SYNE1: variants seen among roughly 807,000 people sequenced by gnomAD.
The protein encoded by SYNE1 is nesprin-1.
SYNE1 carries 616 observed loss-of-function variants against 1,111.0 expected under a neutral mutation model. The ratio of observed to expected loss-of-function variants is 0.55; its 90% CI spans 0.52 to 0.59. SYNE1 has a LOEUF of 0.59. SYNE1 is among the 20% of genes least tolerant of loss of function. The pLI is 0.00. For missense variants in SYNE1, 10,006 were observed against 10,417.0 expected (o/e 0.96, Z 1.72); for synonymous variants, 3,855 against 3,825.8 (o/e 1.01, Z -0.28).
Position 152,461,755 on chromosome 6 carries a change from G to C in SYNE1, c.2251-15C>G, listed in dbSNP as rs758553708. 2 of 1,613,718 alleles carry C rather than the reference G, an allele frequency of 1.2e-6. No individual in the cohort carries two copies. The highest frequency in any genetic ancestry group is 1.7e-6 in the Non-Finnish European group (2 of 1,179,890). On this transcript the variant is annotated splice_polypyrimidine_tract_variant and intron_variant, in intron 20 of 145. Transcript: ENST00000367255. ...TGCTCAATATCCTGCATGAATCATT[G>C]AAACAGCCAGATTCATACATGACAC... is the stretch of plus-strand genomic sequence containing the variant.
chr6:152,290,417 C>T (rs868472308), intron 95 of SYNE1, among the ~76,000 whole-genome samples: 3 of 152,068 alleles, frequency 2.0e-5, no homozygotes, highest in Admixed American at 1.3e-4. Context: ...ATTAGTCCAG[C>T]GTGGTGGCAA....
rs1473972360 is a variant in SYNE1 at position 152,367,730 on chromosome 6, A to G, written c.9808-348T>C. On this transcript the variant is annotated intron_variant, in intron 61 of 145. Transcript: ENST00000367255. Reference sequence around the variant, plus strand: ...ATATCACATTAGGCTCACCTGACACAACAACCCACATGACCTACATTGTAG... The same window carrying G: ...ATATCACATTAGGCTCACCTGACACGACAACCCACATGACCTACATTGTAG... 1.6e-5 allele frequency: 5 copies of G among 309,562 alleles called. No homozygotes were observed. In the East Asian group the frequency reaches 3.9e-4, roughly 24 times the overall value. The allele number at this position is 309,562 out of a possible 1,614,324, so 19.2% of individuals were successfully genotyped here.
intron 3 of SYNE1, among the ~76,000 whole-genome samples, chr6:152,624,260 G>A (rs2099681648): frequency 6.6e-6 from 1 of 152,064 alleles, no homozygotes; most frequent in South Asian, 2.1e-4. Flanking sequence ...TTTTCTGTAA[G>A]ATTGCGTTGA....
intron 41 of SYNE1, among the ~76,000 whole-genome samples, chr6:152,414,897 G>C (rs1415624810): frequency 6.6e-6 from 1 of 152,032 alleles, no homozygotes; most frequent in Non-Finnish European, 1.5e-5. Context: ...ATTCCCTTTT[G>C]TAAATTTATT....
At chr6:152,535,060 A>G (rs2099227839) in intron 4 of SYNE1, among the ~76,000 whole-genome samples, 1 of 152,234 alleles carries the variant, frequency 6.6e-6, no homozygotes, top group African/African-American at 2.4e-5. Context: ...ATTTGGAAAT[A>G]GAGTCTTTAG....
chr6:152,350,687 C>T lies in SYNE1; in HGVS notation c.11664G>A (p.Gln3888=), dbSNP rs1563267356. Reference sequence around the variant, plus strand: ...CTATTTTGTCCTTTAAAGTGACGTCCTGCACCAGTTCCAAAAGAGCTTCAC... The same window carrying T: ...CTATTTTGTCCTTTAAAGTGACGTCTTGCACCAGTTCCAAAAGAGCTTCAC... ...EKGEALLELV[Q]DVTLKDKIDQ... Residue 3888 remains glutamine, a synonymous_variant, in exon 71 of 146, where the codon CAG becomes CAA. Coordinates refer to ENST00000367255, the MANE Select transcript of SYNE1 (RefSeq NM_182961.4). The T allele has an allele frequency of 1.2e-6, 2 of 1,614,072 alleles. No homozygotes were observed. Among genetic ancestry groups the T allele is most frequent in the Non-Finnish European group, 8.5e-7 (1 of 1,180,014 alleles).
chr6:152,143,699 T>C lies in SYNE1; in HGVS notation c.25043A>G (p.Gln8348Arg). ...AATGATATTTTCGGTTTGCTGTATC[T>C]GAAAACGGCTATCATCCAGGGCTTT... ...LGKALDDSRFQIQQTENIIRS... is the reference protein window; with the variant it reads ...LGKALDDSRFRIQQTENIIRS... The change falls in exon 138 of 146, where the codon CAG becomes CGG. Residue 8348 changes from glutamine (Q) to arginine (R), a missense_variant. Gln to Arg is a conservative substitution (Grantham distance 43). This residue lies in a region of SYNE1 where 761 missense variants were observed against 795.5 expected (regional missense o/e 0.96). Coordinates refer to ENST00000367255, the MANE Select transcript of SYNE1 (RefSeq NM_182961.4). The C allele has an allele frequency of 6.2e-7, 1 of 1,614,232 alleles. No homozygotes were observed. The highest frequency in any genetic ancestry group is 2.2e-5 in the East Asian group (1 of 44,882).
At chr6:152,449,393 TAAGGG>T in intron 28 of SYNE1, 135 bp downstream of exon 28, 1 of 702,730 alleles carries the variant, frequency 1.4e-6, no homozygotes. Context: ...CACAGTAATA[TAAGGG>T]GACTTATTTT....
At position 152,262,167 on chromosome 6, in the gene SYNE1, G is replaced by T. The variant is rs752756207; in HGVS notation, c.18837C>A (p.Ser6279=). 6.2e-7 allele frequency: 1 copy of T among 1,613,518 alleles called. No individual in the cohort carries two copies. The highest frequency in any genetic ancestry group is 1.1e-5 in the South Asian group (1 of 91,042). Residue 6279 remains serine (S), a synonymous_variant, in exon 101 of 146, where the codon TCC becomes TCA. Transcript: ENST00000367255. ...TCTCCCCTTCCATCCCCAACTCCTG[G>T]GATAACACATCAGGTTTTTCGCTAT... ...GDAGEKPDVL[S]QELGMEGEKS... is the part of the protein sequence containing the mutation.
intron 6 of SYNE1, among the ~76,000 whole-genome samples, chr6:152,519,001 G>T (rs2695264): frequency 2.7e-5 from 4 of 150,374 alleles, no homozygotes; most frequent in East Asian, 2.0e-4. Flanking sequence ...GTGGGGGGAG[G>T]GGGGAGGGAT....
intron 101 of SYNE1, among the ~76,000 whole-genome samples, chr6:152,257,606 G>A (rs773886340): frequency 2.1e-4 from 32 of 152,120 alleles, no homozygotes; most frequent in Non-Finnish European, 1.3e-4. Context: ...TGAAATAAAT[G>A]ACATTAAGAC....
intron 2 of SYNE1, among the ~76,000 whole-genome samples, chr6:152,634,371 A>G (rs192717858): frequency 1.3e-5 from 2 of 152,342 alleles, no homozygotes; most frequent in African/African-American, 4.8e-5. Flanking sequence ...CCCACTATTG[A>G]ATAAAATTTT....
Position 152,309,822 on chromosome 6 carries a change from A to G in SYNE1, c.17202+13T>C. ...CAGCAATTGCTCTACTGGTGTGGGTACCCTGCACCTGCCTGCATGATGTTA... is the reference window on the plus strand; with the variant it reads ...CAGCAATTGCTCTACTGGTGTGGGTGCCCTGCACCTGCCTGCATGATGTTA... On this transcript the variant is annotated intron_variant, in intron 90 of 145. Transcript: ENST00000367255. 3 of 1,613,282 alleles carry G rather than the reference A, an allele frequency of 1.9e-6. No individual in the cohort carries two copies. The highest frequency in any genetic ancestry group is 2.5e-6 in the Non-Finnish European group (3 of 1,179,998).
chr6:152,363,805 T>C (rs371032505), intron 63 of SYNE1: 209 of 454,388 alleles, frequency 4.6e-4, no homozygotes, highest in Middle Eastern at 4.5e-3. Context: ...GCTCTTCTAA[T>C]TCATATGAGT....
chr6:152,226,028 T>G lies in SYNE1; in HGVS notation c.21196-152A>C, dbSNP rs902920388. ...AGAAGAGGCACGCTGCAGAAGTACT[T>G]CTTCCTACACTCAAATGCAAAAAAA... On this transcript the variant is annotated intron_variant, in intron 115 of 145. Transcript: ENST00000367255. The G allele has an allele frequency of 6.9e-6, 5 of 723,844 alleles. No individual in the cohort carries two copies. The African/African-American group carries it at 9.0e-5, about 13-fold the overall frequency. 44.8% of individuals were successfully genotyped at this position (723,844 alleles called of 1,614,324 possible).
chr6:152,302,299 A>G, intron 91 of SYNE1: 1 of 604,696 alleles, frequency 1.7e-6, no homozygotes. Flanking sequence ...CGTCGGTACA[A>G]AAGGAGAAAT....
At chr6:152,186,029 G>C (rs1037627978) in intron 128 of SYNE1, among the ~76,000 whole-genome samples, 1 of 152,120 alleles carries the variant, frequency 6.6e-6, no homozygotes, top group Non-Finnish European at 1.5e-5. Flanking sequence ...AATACATCAT[G>C]AACACTTAGC....
At chr6:152,417,730 T>C (rs58866221) in intron 40 of SYNE1, among the ~76,000 whole-genome samples, 4,524 of 152,220 alleles carry the variant, frequency 0.03, 221 homozygotes, top group African/African-American at 0.1. Flanking sequence ...ATATTTTTAA[T>C]ATTTCAACTT....
intron 11 of SYNE1, among the ~76,000 whole-genome samples, chr6:152,491,328 T>C (rs890885425): frequency 3.9e-5 from 6 of 152,110 alleles, no homozygotes; most frequent in Admixed American, 6.5e-5. Context: ...GGCAAATCAA[T>C]TGTGGAGACG....
Sources: gnomAD v4.1 joint callset for allele counts (sites outside exome capture counted in the v4.1 genomes callset) on GRCh38, gnomAD v4.1.1 for gene constraint, gnomAD v4.1.1 regional missense constraint, MANE v1.5 for transcripts, NCBI Gene and HGNC (gene_info 2026-07-23, HGNC 2026-07-21) for gene names.